NKIRAS2: variants seen among roughly 807,000 people sequenced by gnomAD.
NKIRAS2 encodes NF-kappa-B inhibitor-interacting Ras-like protein 2.
NKIRAS2 carries 15 observed loss-of-function variants against 20.7 expected under a neutral mutation model. The ratio of observed to expected loss-of-function variants is 0.73; its 90% CI spans 0.49 to 1.12. The LOEUF is 1.12. Ranked by LOEUF, NKIRAS2 falls within the 50% of genes most tolerant of loss-of-function variation. The pLI is 0.00. For missense variants in NKIRAS2, 196 were observed against 249.6 expected, an observed-to-expected ratio of 0.79 and a Z score of 1.45; for synonymous variants, 116 against 101.4, an observed-to-expected ratio of 1.14 and a Z score of -0.87.
upstream of NKIRAS2, among the ~76,000 whole-genome samples, chr17:42,018,267 G>A (rs1469239051): frequency 6.6e-6 from 1 of 152,128 alleles, no homozygotes; most frequent in Admixed American, 6.5e-5. Context: ...TAGGGGACAA[G>A]GGCACAGTTT....
chr17:42,022,781 ATCTT>A (rs2143446353), intron 3 of NKIRAS2, 141 bp downstream of exon 3: 17 of 1,015,346 alleles, frequency 1.7e-5, no homozygotes, highest in Non-Finnish European at 2.1e-5. Flanking sequence ...CACTGAGGGT[ATCTT>A]TACCCTCAGG....
chr17:42,019,788 C>G (rs946955994), upstream of NKIRAS2, among the ~76,000 whole-genome samples: 5 of 152,220 alleles, frequency 3.3e-5, no homozygotes, highest in African/African-American at 9.6e-5. Flanking sequence ...GGCCCTGCAC[C>G]AGGCACAGAC....
At position 42,021,668 on chromosome 17, in the gene NKIRAS2, G is replaced by A; in HGVS notation, c.91G>A (p.Val31Met). The A allele has an allele frequency of 6.2e-7, 1 of 1,613,826 alleles. No homozygotes were observed. The highest frequency in any genetic ancestry group is 8.5e-7 in the Non-Finnish European group (1 of 1,179,734). The change falls in exon 2 of 4, where the codon GTG becomes ATG. Residue 31 changes from valine to methionine, a missense_variant. Physicochemically the swap from Val to Met is conservative, Grantham distance 21 (BLOSUM62 1). Coordinates refer to ENST00000393885, the MANE Select transcript of NKIRAS2 (RefSeq NM_017595.6). The part of the protein sequence containing the change: ...LEQLLYGNHV[V>M]GSEMIETQED... ...GCAGCTTCTGTATGGGAACCATGTA[G>A]TGGGTGAGTGTTGTTGGAGGGGGAG...
At chr17:42,018,791 T>A (rs2052374158), upstream of NKIRAS2, among the ~76,000 whole-genome samples, 1 of 152,232 alleles carries the variant, frequency 6.6e-6, no homozygotes, top group Non-Finnish European at 1.5e-5. Context: ...CAACTTTTCA[T>A]ATCTCCAACC....
rs556518288 is a variant in NKIRAS2, at chr17:42,024,277, C to T, written c.*384C>T. 1.4e-5 allele frequency: 4 copies of T among 276,272 alleles called. No individual in the cohort carries two copies. Among genetic ancestry groups the T allele is most frequent in the East Asian group, 9.4e-5 (1 of 10,602 alleles). 17.1% of individuals were successfully genotyped at this position (276,272 alleles called of 1,614,324 possible). A position where few individuals can be genotyped will look rare whatever the true frequency, so the allele number is the denominator to read the frequency against. ...CCCCACCCTCTGGGCTTCCCATCAG[C>T]GACACACACACACTTATGGCACCAG... On this transcript the variant is annotated 3_prime_UTR_variant, in exon 4 of 4. Transcript: ENST00000393885.
chr17:42,018,966 T>G (rs1199560921), upstream of NKIRAS2, among the ~76,000 whole-genome samples: 1 of 152,240 alleles, frequency 6.6e-6, no homozygotes, highest in African/African-American at 2.4e-5. Context: ...TTATTATCTT[T>G]CCTAAATTCC....
chr17:42,021,476 T>C, intron 1 of NKIRAS2, 88 bp from the exon 2 acceptor site: 1 of 1,153,340 alleles, frequency 8.7e-7, no homozygotes, highest in Non-Finnish European at 1.3e-6. Flanking sequence ...GTTTTTGTTT[T>C]TGTCCACCAG....
intron 3 of NKIRAS2, chr17:42,023,085 C>T (rs1273854492): frequency 5.5e-6 from 2 of 362,284 alleles, no homozygotes; most frequent in South Asian, 4.0e-5. Flanking sequence ...TCACTGCAGC[C>T]TCAACCTCCC....
chr17:42,021,618 CTG>C lies in NKIRAS2; in HGVS notation c.44_45del (p.Val15GlyfsTer33), dbSNP rs782611703. The C allele has an allele frequency of 3.7e-6, 6 of 1,614,176 alleles. No individual in the cohort carries two copies. The highest frequency in any genetic ancestry group is 5.1e-6 in the Non-Finnish European group (6 of 1,180,018). On this transcript the variant is annotated frameshift_variant, in exon 2 of 4. Transcript: ENST00000393885. LOFTEE classifies it high-confidence loss of function. ...AAGGTGGTCGTGTGTGGCCAGGCGT[CTG>C]TGGGCAAAACTTCAATCCTGGAGCA...
In NKIRAS2 at chr17:42,021,686, A is replaced by C. The variant is rs1555653066; in HGVS notation, c.94+15A>C. 6.2e-7 allele frequency: 1 copy of C among 1,607,422 alleles called. No homozygotes were observed. The highest frequency in any genetic ancestry group is 1.1e-5 in the South Asian group (1 of 90,936). ...CCATGTAGTGGGTGAGTGTTGTTGG[A>C]GGGGGAGGAACAGTGGAAGAAGTTG... On this transcript the variant is annotated intron_variant, in intron 2 of 3. Transcript: ENST00000393885.
At chr17:42,018,511 A>C (rs2052366998), upstream of NKIRAS2, 1 of 152,210 alleles carries the variant, frequency 6.6e-6, no homozygotes, top group African/African-American at 2.4e-5. Context: ...AGCTGAAACC[A>C]CAGCGACCAC....
At chr17:42,019,780 C>T (rs990855296), upstream of NKIRAS2, among the ~76,000 whole-genome samples, 1 of 152,214 alleles carries the variant, frequency 6.6e-6, no homozygotes, top group Non-Finnish European at 1.5e-5. Flanking sequence ...CAGTATATGG[C>T]CCTGCACCAG....
chr17:42,021,367 T>C (rs1388610158), intron 1 of NKIRAS2, 197 bp from the exon 2 acceptor site: 1 of 547,278 alleles, frequency 1.8e-6, no homozygotes, highest in Non-Finnish European at 3.3e-6. Context: ...CTGACTAGCA[T>C]TGGGATGGTG....
intron 2 of NKIRAS2, chr17:42,021,950 CT>C (rs1251109973): frequency 4.8e-6 from 3 of 619,588 alleles, no homozygotes; most frequent in Non-Finnish European, 9.2e-6. Flanking sequence ...TGGATCACGC[CT>C]GTAATCCGAG....
rs781846149 is a variant in NKIRAS2, at chr17:42,021,616, G to A, written c.39G>A (p.Ala13=). The A allele has an allele frequency of 1.7e-5, 27 of 1,614,014 alleles. No individual in the cohort carries two copies. The highest frequency in any genetic ancestry group is 4.4e-5 in the South Asian group (4 of 91,086). ...GCAAGGTGGTCGTGTGTGGCCAGGC[G>A]TCTGTGGGCAAAACTTCAATCCTGG... ...KSCKVVVCGQ[A]SVGKTSILEQ... The change falls in exon 2 of 4, where the codon GCG becomes GCA. Residue 13 remains alanine (A), a synonymous_variant. Transcript: ENST00000393885.
intron 3 of NKIRAS2, chr17:42,022,943 CAT>C (rs1354948475): frequency 1.2e-5 from 4 of 337,624 alleles, no homozygotes; most frequent in African/African-American, 4.2e-5. Context: ...GAAGTCCCCA[CAT>C]AGTTGTCCTT....
chr17:42,022,275 A>T, intron 2 of NKIRAS2, 124 bp from the exon 3 acceptor site: 1 of 966,230 alleles, frequency 1.0e-6, no homozygotes, highest in Non-Finnish European at 1.5e-6. Context: ...CCAGGCTGTC[A>T]ATTCTCTGGC....
upstream of NKIRAS2, chr17:42,018,578 A>T (rs1415920336): frequency 1.3e-5 from 2 of 152,166 alleles, no homozygotes; most frequent in African/African-American, 4.8e-5. Context: ...TCATTCGTTG[A>T]GCCAATCACT....
Position 42,022,455 on chromosome 17 carries a change from C to T in NKIRAS2, c.151C>T (p.Arg51Trp), listed in dbSNP as rs782767517. The change falls in exon 3 of 4, where the codon CGG (arginine) becomes TGG (tryptophan). Residue 51 changes from arginine to tryptophan, a missense_variant. Coordinates refer to ENST00000393885, the MANE Select transcript of NKIRAS2 (RefSeq NM_017595.6). ...CTACGTGGGCTCCATTGAGACAGAC[C>T]GGGGGGTGCGAGAGCAGGTGCGTTT... ...DIYVGSIETDRGVREQVRFYD... is the reference protein window; with the variant it reads ...DIYVGSIETDWGVREQVRFYD... The T allele has an allele frequency of 3.7e-6, 6 of 1,610,864 alleles. No individual in the cohort carries two copies. Among genetic ancestry groups the T allele is most frequent in the East Asian group, 4.5e-5 (2 of 44,752 alleles).
Sources: gnomAD v4.1 joint callset for allele counts (sites outside exome capture counted in the v4.1 genomes callset) on GRCh38, gnomAD v4.1.1 for gene constraint, MANE v1.5 for transcripts, NCBI Gene and HGNC (gene_info 2026-07-23, HGNC 2026-07-21) for gene names.